The following CDC42BPA variants were observed in gnomAD, a reference collection of about 807,000 sequenced individuals.
The protein encoded by CDC42BPA is serine/threonine-protein kinase MRCK alpha.
CDC42BPA carries 80 observed loss-of-function variants against 223.5 expected under a neutral mutation model. The observed-to-expected ratio is 0.36, with a 90% confidence interval of 0.30 to 0.43. The LOEUF (loss-of-function observed/expected upper bound fraction) is 0.43. CDC42BPA is among the 20% of genes least tolerant of loss of function. CDC42BPA has a pLI of 1.00. For missense variants in CDC42BPA, 1,743 were observed against 2,099.9 expected (o/e 0.83, Z 3.32); for synonymous variants, 694 against 718.6 (o/e 0.97, Z 0.55).
chr1:227,126,574 G>A (rs1269752124), intron 11 of CDC42BPA, among the ~76,000 whole-genome samples: 1 of 152,010 alleles, frequency 6.6e-6, no homozygotes, highest in Non-Finnish European at 1.5e-5. Flanking sequence ...TATCCTTCAT[G>A]TATATAGATG....
In CDC42BPA at chr1:227,145,525, C is replaced by G. The variant is rs769026192; in HGVS notation, c.1107G>C (p.Ser369=). Reference sequence around the variant, plus strand: ...AACAATCATCATCTACATCAAAATTCGATGTATCTGTTGGGCTACTAACTT... The same window carrying G: ...AACAATCATCATCTACATCAAAATTGGATGTATCTGTTGGGCTACTAACTT... The part of the protein sequence containing the change: ...IPEVSSPTDT[S]NFDVDDDCLK... The change falls in exon 8 of 37, where the codon TCG becomes TCC. Residue 369 remains serine, a synonymous_variant. Coordinates refer to ENST00000366766, the MANE Select transcript of CDC42BPA (RefSeq NM_001394014.1). 1 of 1,612,732 alleles carries G rather than the reference C, an allele frequency of 6.2e-7. No individual in the cohort carries two copies. Among genetic ancestry groups the G allele is most frequent in the Non-Finnish European group, 8.5e-7 (1 of 1,179,028 alleles).
chr1:227,112,619 GCA>G lies in CDC42BPA; in HGVS notation c.1890+50_1890+51del, dbSNP rs1687119121. On this transcript the variant is annotated intron_variant, in intron 13 of 36. Transcript: ENST00000366766. ...TATATTATATTACTAGTCTCAAAAA[GCA>G]GCTTTAATCACTATCCCATGGGCAC... The G allele has an allele frequency of 2.3e-5, 34 of 1,499,706 alleles. No individual in the cohort carries two copies. In the South Asian group the frequency reaches 4.8e-4, roughly 21 times the overall value. 92.9% of individuals were successfully genotyped at this position (1,499,706 alleles called of 1,614,324 possible). A position where few individuals can be genotyped will look rare whatever the true frequency, so the allele number is the denominator to read the frequency against.
chr1:227,122,721 T>C (rs540724546), intron 11 of CDC42BPA, among the ~76,000 whole-genome samples: 71 of 152,292 alleles, frequency 4.7e-4, no homozygotes, highest in African/African-American at 1.7e-3. Context: ...TAATATTTAA[T>C]AAAATCCTCC....
At position 227,031,371 on chromosome 1, in the gene CDC42BPA, T is replaced by G. The variant is rs761245511; in HGVS notation, c.3702A>C (p.Ser1234=). ...CATAAGCCTCTTTGGGAACATAGAC[T>G]GAGCGGTCTCTGAATTTGTTTTTCT... ...ILKKNKFRDR[S]VYVPKEAYDS... The change falls in exon 28 of 37, where the codon TCA becomes TCC. Residue 1234 remains serine, a synonymous_variant. Transcript: ENST00000366766. 2 of 1,614,148 alleles carry G rather than the reference T, an allele frequency of 1.2e-6. No homozygotes were observed. Among genetic ancestry groups the G allele is most frequent in the South Asian group, 1.1e-5 (1 of 91,078 alleles).
At chr1:227,100,800 A>G (rs560435841) in intron 15 of CDC42BPA, among the ~76,000 whole-genome samples, 192 bp downstream of exon 15, 1 of 126,194 alleles carries the variant, frequency 7.9e-6, no homozygotes, top group South Asian at 2.3e-4. Flanking sequence ...ATACCCAGCT[A>G]GAAGTAATTT....
intron 26 of CDC42BPA, 136 bp from the exon 27 acceptor site, chr1:227,033,551 T>C (rs1172681204): frequency 1.6e-6 from 1 of 609,646 alleles, no homozygotes; most frequent in African/African-American, 1.8e-5. Flanking sequence ...AAAATTAATT[T>C]TCCCCCATTG....
At chr1:227,274,431 CGAAGAGAAAT>C (rs1686582431) in intron 1 of CDC42BPA, among the ~76,000 whole-genome samples, 1 of 151,938 alleles carries the variant, frequency 6.6e-6, no homozygotes, top group African/African-American at 2.4e-5. Flanking sequence ...AGTCTCAAAC[CGAAGAGAAAT>C]GAAGTGTTAT....
intron 1 of CDC42BPA, among the ~76,000 whole-genome samples, chr1:227,272,356 G>C (rs1259014296): frequency 1.3e-5 from 2 of 151,934 alleles, no homozygotes; most frequent in Non-Finnish European, 2.9e-5. Flanking sequence ...TTTCTAAACA[G>C]AATGCCAAAA....
At chr1:227,072,597 G>A (rs1678621083) in intron 19 of CDC42BPA, among the ~76,000 whole-genome samples, 1 of 151,914 alleles carries the variant, frequency 6.6e-6, no homozygotes, top group Non-Finnish European at 1.5e-5. Context: ...TTTACTAAAT[G>A]AACCTTTACA....
rs780296620 is a variant in CDC42BPA at position 227,005,102 on chromosome 1, G to C, written c.4867C>G (p.Pro1623Ala). 6.2e-7 allele frequency: 1 copy of C among 1,611,580 alleles called. No homozygotes were observed. The highest frequency in any genetic ancestry group is 8.5e-7 in the Non-Finnish European group (1 of 1,177,736). Residue 1623 changes from proline (P) to alanine (A), a missense_variant, in exon 35 of 37, where the codon CCT (proline) becomes GCT (alanine). Pro to Ala is a conservative substitution (Grantham distance 27, BLOSUM62 -1). Around this residue, in one of 6 missense-constraint regions of CDC42BPA, gnomAD observed 200 missense variants for 192.8 expected, o/e 1.04. Coordinates refer to ENST00000366766, the MANE Select transcript of CDC42BPA (RefSeq NM_001394014.1). ...CTGAATACTGTCCGACTTTCCTGAG[G>C]CCGAGGGTTCTATAAACAAAAGCGA... Reference protein sequence around the residue: ...ILKDLPMNPRPQESRTVFSGS... With the variant: ...ILKDLPMNPRAQESRTVFSGS...
intron 16 of CDC42BPA, among the ~76,000 whole-genome samples, chr1:227,081,810 A>C (rs1349285394): frequency 3.3e-5 from 5 of 152,204 alleles, no homozygotes; most frequent in Non-Finnish European, 5.9e-5. Flanking sequence ...AATACTAGAC[A>C]TCATACAATG....
chr1:227,034,896 C>G (rs1669951196), intron 25 of CDC42BPA, 102 bp from the exon 26 acceptor site: 21 of 1,055,548 alleles, frequency 2.0e-5, no homozygotes, highest in Non-Finnish European at 2.7e-5. Flanking sequence ...AGATAATGTA[C>G]ACGTTTTATA....
chr1:227,115,558 T>G (rs1218785958), intron 12 of CDC42BPA, among the ~76,000 whole-genome samples: 1 of 151,858 alleles, frequency 6.6e-6, no homozygotes, highest in East Asian at 1.9e-4. Context: ...CTGAAAAGCT[T>G]CATACACAGA....
At chr1:227,213,873 A>G (rs908549210) in intron 2 of CDC42BPA, among the ~76,000 whole-genome samples, 1 of 152,212 alleles carries the variant, frequency 6.6e-6, no homozygotes, top group Non-Finnish European at 1.5e-5. Context: ...TCTGTATTTT[A>G]TATTTCAATT....
intron 5 of CDC42BPA, among the ~76,000 whole-genome samples, chr1:227,179,306 A>G (rs917860908): frequency 1.3e-5 from 2 of 152,062 alleles, no homozygotes; most frequent in African/African-American, 4.8e-5. Flanking sequence ...TGTACACATT[A>G]ATGAGTGGAC....
At chr1:227,086,200 G>C (rs1681857087) in intron 16 of CDC42BPA, among the ~76,000 whole-genome samples, 1 of 152,084 alleles carries the variant, frequency 6.6e-6, no homozygotes, top group African/African-American at 2.4e-5. Context: ...TCTAGTATAT[G>C]GGTATGATAT....
intron 10 of CDC42BPA, among the ~76,000 whole-genome samples, chr1:227,130,325 G>A (rs1280105823): frequency 6.6e-6 from 1 of 151,724 alleles, no homozygotes; most frequent in Non-Finnish European, 1.5e-5. Flanking sequence ...TATATGTTTG[G>A]CAGTCAATAA....
intron 35 of CDC42BPA, chr1:227,004,236 T>C (rs1663542344): frequency 6.6e-6 from 1 of 152,194 alleles, no homozygotes; most frequent in South Asian, 2.1e-4. Context: ...CATCAAGTCT[T>C]ACTGCTTTTA....
intron 1 of CDC42BPA, among the ~76,000 whole-genome samples, chr1:227,299,470 C>A (rs1691261772): frequency 6.6e-6 from 1 of 151,940 alleles, no homozygotes; most frequent in Non-Finnish European, 1.5e-5. Context: ...TAGTAATACA[C>A]CTAATTGAAA....
Sources: gnomAD v4.1 joint callset for allele counts (sites outside exome capture counted in the v4.1 genomes callset) on GRCh38, gnomAD v4.1.1 for gene constraint, gnomAD v4.1.1 regional missense constraint, MANE v1.5 for transcripts, NCBI Gene and HGNC (gene_info 2026-07-23, HGNC 2026-07-21) for gene names.